The following MCHR2 variants were observed in gnomAD, a reference collection of about 807,000 sequenced individuals.
MCHR2 encodes the protein melanin-concentrating hormone receptor 2.
A neutral mutation model predicts 24.8 loss-of-function variants in MCHR2; 15 were observed. That is an observed-to-expected ratio of 0.60 (90% CI 0.40 to 0.93). The LOEUF is 0.93. Ranked by LOEUF, MCHR2 falls within the 40% of genes least tolerant of loss-of-function variation. The pLI, the probability that MCHR2 is intolerant of heterozygous loss-of-function variation, is 0.00. For missense variants in MCHR2, 386 were observed against 408.7 expected, an observed-to-expected ratio of 0.94 and a Z score of 0.48; for synonymous variants, 151 against 147.6, an observed-to-expected ratio of 1.02 and a Z score of -0.17.
intron 4 of MCHR2, among the ~76,000 whole-genome samples, chr6:99,936,539 C>G (rs187582921): frequency 6.6e-6 from 1 of 151,976 alleles, no homozygotes; most frequent in East Asian, 1.9e-4. Flanking sequence ...CTATTCTGTT[C>G]CATTCGTCAA....
chr6:99,947,651 G>C (rs186713065), intron 3 of MCHR2, 111 bp downstream of exon 3: 1 of 1,008,250 alleles, frequency 9.9e-7, no homozygotes, highest in African/African-American at 1.6e-5. Flanking sequence ...TGAAACAAAG[G>C]AAGAAAACCT....
chr6:99,958,215 G>A (rs1417828096), intron 1 of MCHR2, among the ~76,000 whole-genome samples: 1 of 151,946 alleles, frequency 6.6e-6, no homozygotes, highest in Non-Finnish European at 1.5e-5. Flanking sequence ...ATGAAAAGAT[G>A]TCACTTTAGA....
At chr6:99,984,076 C>T (rs559673866) in intron 1 of MCHR2, among the ~76,000 whole-genome samples, 2 of 152,046 alleles carry the variant, frequency 1.3e-5, no homozygotes, top group Non-Finnish European at 2.9e-5. Context: ...AAAGGGTATT[C>T]ATTATCTTGC....
At chr6:99,931,121 G>A (rs916113215) in intron 5 of MCHR2, among the ~76,000 whole-genome samples, 5 of 152,154 alleles carry the variant, frequency 3.3e-5, no homozygotes, top group Non-Finnish European at 5.9e-5. Flanking sequence ...TGTTTGCATG[G>A]GTACCAGCAG....
rs750766443 is a variant in MCHR2 at position 99,942,561 on chromosome 6, T to C, written c.587+388A>G. On this transcript the variant is annotated intron_variant, in intron 4 of 5. Coordinates refer to ENST00000281806, the MANE Select transcript of MCHR2 (RefSeq NM_001040179.2). ...AGGTATGGGGAGCTGGTGTAGGACT[T>C]GAACATGTCTTTATAGGGGACATAA... Among the ~76,000 whole-genome samples the C allele has an allele frequency of 4.6e-5, 7 of 152,064 alleles. 1 individual carries two copies. The highest frequency in any genetic ancestry group is 1.0e-4 in the Non-Finnish European group (7 of 67,966).
intron 2 of MCHR2, 42 bp downstream of exon 2, chr6:99,955,924 A>G (rs770397885): frequency 6.3e-6 from 9 of 1,438,722 alleles, no homozygotes; most frequent in Non-Finnish European, 7.4e-6. Flanking sequence ...GTAGTTTCCT[A>G]AAGTATGGAA....
At chr6:99,975,539 C>T (rs1264573336) in intron 1 of MCHR2, among the ~76,000 whole-genome samples, 3 of 152,238 alleles carry the variant, frequency 2.0e-5, no homozygotes, top group East Asian at 1.9e-4. Context: ...GGCAATGCCT[C>T]GCCCTGCTTC....
At chr6:99,992,765 T>C (rs1000474533) in intron 1 of MCHR2, among the ~76,000 whole-genome samples, 3 of 152,192 alleles carry the variant, frequency 2.0e-5, no homozygotes, top group Non-Finnish European at 4.4e-5. Context: ...GTAATTATCT[T>C]GTCATAGCCA....
At chr6:99,927,428 G>T (rs1175880083) in intron 5 of MCHR2, among the ~76,000 whole-genome samples, 3 of 152,132 alleles carry the variant, frequency 2.0e-5, no homozygotes, top group African/African-American at 7.2e-5. Flanking sequence ...ACCTTGGGCA[G>T]TTTGGCCATT....
intron 4 of MCHR2, among the ~76,000 whole-genome samples, chr6:99,936,742 T>C (rs1774668960): frequency 6.6e-6 from 1 of 152,004 alleles, no homozygotes; most frequent in Non-Finnish European, 1.5e-5. Context: ...ATTGGTATTT[T>C]GAGAGAGATT....
At chr6:99,973,489 C>A (rs909323124) in intron 1 of MCHR2, among the ~76,000 whole-genome samples, 3 of 152,174 alleles carry the variant, frequency 2.0e-5, no homozygotes, top group African/African-American at 4.8e-5. Context: ...CTGAATACAG[C>A]ACTCTGATGG....
In MCHR2 at chr6:99,921,135, CT is replaced by C; in HGVS notation, c.827del (p.Gln276ArgfsTer34). 1 of 1,614,176 alleles carries C rather than the reference CT, an allele frequency of 6.2e-7. No individual in the cohort carries two copies. The highest frequency in any genetic ancestry group is 8.5e-7 in the Non-Finnish European group (1 of 1,180,030). On this transcript the variant is annotated frameshift_variant, in exon 6 of 6. Transcript: ENST00000281806. LOFTEE classifies it low-confidence loss of function (END_TRUNC). ...PYHVIQLVNL[Q>X]MEQPTLAFYV... ...AGAAGGCCAGTGTGGGCTGTTCCATCTGTAAGTTCACCAGTTGTATCACATG... is the reference window on the plus strand; with the variant it reads ...AGAAGGCCAGTGTGGGCTGTTCCATCGTAAGTTCACCAGTTGTATCACATG...
intron 1 of MCHR2, among the ~76,000 whole-genome samples, chr6:99,964,822 G>C (rs1300224662): frequency 2.0e-5 from 3 of 152,024 alleles, no homozygotes; most frequent in African/African-American, 7.2e-5. Context: ...GCACTGGATG[G>C]GAACAGACTC....
intron 3 of MCHR2, among the ~76,000 whole-genome samples, chr6:99,945,440 T>C (rs966214146): frequency 2.0e-5 from 3 of 152,194 alleles, no homozygotes; most frequent in Non-Finnish European, 1.5e-5. Context: ...TGTTTTTGTA[T>C]GGCTATGGAG....
At chr6:99,937,788 ATTAT>A (rs1774693627) in intron 4 of MCHR2, among the ~76,000 whole-genome samples, 1 of 149,528 alleles carries the variant, frequency 6.7e-6, no homozygotes, top group Non-Finnish European at 1.5e-5. Context: ...ATTGGTATTA[ATTAT>A]TTAAATATTT....
intron 1 of MCHR2, among the ~76,000 whole-genome samples, chr6:99,959,858 T>C (rs12189887): frequency 6.7e-6 from 1 of 148,990 alleles, no homozygotes; most frequent in Non-Finnish European, 1.5e-5. Flanking sequence ...TAATAATAGG[T>C]AAAAAAAGCC....
intron 5 of MCHR2, among the ~76,000 whole-genome samples, chr6:99,929,767 A>T (rs1192740310): frequency 6.6e-6 from 1 of 151,630 alleles, no homozygotes; most frequent in African/African-American, 2.4e-5. Flanking sequence ...AATACAGCAC[A>T]CTGATGCATC....
intron 2 of MCHR2, among the ~76,000 whole-genome samples, chr6:99,948,259 T>C (rs1186450934): frequency 6.6e-6 from 1 of 152,186 alleles, no homozygotes; most frequent in East Asian, 1.9e-4. Flanking sequence ...AACTTGCTTC[T>C]AACAATGAGA....
rs1039995183 is a variant in MCHR2, at chr6:99,918,594, G to T, written c.*2346C>A. Among the ~76,000 whole-genome samples the T allele has an allele frequency of 4.6e-5, 7 of 152,010 alleles. No homozygotes were observed. The highest frequency in any genetic ancestry group is 8.8e-5 in the Non-Finnish European group (6 of 68,002). ...CTAGAATTGAATAAGAATAGAATAA[G>T]GATACGATTATTATTTGACTGAGTG... is the stretch of plus-strand genomic sequence containing the variant. On this transcript the variant is annotated 3_prime_UTR_variant, in exon 6 of 6. Coordinates refer to ENST00000281806, the MANE Select transcript of MCHR2 (RefSeq NM_001040179.2).
Sources: gnomAD v4.1 joint callset for allele counts (sites outside exome capture counted in the v4.1 genomes callset) on GRCh38, gnomAD v4.1.1 for gene constraint, MANE v1.5 for transcripts, NCBI Gene and HGNC (gene_info 2026-07-23, HGNC 2026-07-21) for gene names.